The following CCBE1 variants were observed in gnomAD, a reference collection of about 807,000 sequenced individuals.
CCBE1 encodes collagen and calcium-binding EGF domain-containing protein 1.
In CCBE1, 37 loss-of-function variants were observed where a neutral mutation model predicts 50.0. The observed-to-expected ratio is 0.74, with a 90% CI of 0.57 to 0.97. The LOEUF is 0.97. Among genes scored for constraint, CCBE1 ranks in the 50% least tolerant of loss-of-function variants. The pLI is 0.00. For synonymous variants in CCBE1, 234 were observed against 203.7 expected, an observed-to-expected ratio of 1.15 and a Z score of -1.27; for missense variants, 538 against 523.8, an observed-to-expected ratio of 1.03 and a Z score of -0.26.
intron 4 of CCBE1, among the ~76,000 whole-genome samples, chr18:59,467,537 A>G (rs1244332170): frequency 6.6e-6 from 1 of 152,202 alleles, no homozygotes; most frequent in Non-Finnish European, 1.5e-5. Context: ...TGAGCTGTGG[A>G]AATGAGCCAT....
intron 2 of CCBE1, among the ~76,000 whole-genome samples, chr18:59,503,693 T>C (rs935739550): frequency 1.3e-5 from 2 of 152,214 alleles, no homozygotes; most frequent in Non-Finnish European, 2.9e-5. Flanking sequence ...ATTTAAAATA[T>C]ATATGTATTT....
intron 2 of CCBE1, among the ~76,000 whole-genome samples, chr18:59,644,442 T>A (rs1822045797): frequency 6.6e-6 from 1 of 152,178 alleles, no homozygotes; most frequent in Non-Finnish European, 1.5e-5. Flanking sequence ...TTACAAAGCA[T>A]CCTTCCCAGA....
At position 59,433,316 on chromosome 18, in the gene CCBE1, C is replaced by T. The variant is rs559638765; in HGVS notation, c.*2592G>A. 6.6e-6 allele frequency: 1 copy of T among 151,792 alleles called. No individual in the cohort carries two copies. Among genetic ancestry groups the T allele is most frequent in the Admixed American group, 6.6e-5 (1 of 15,250 alleles). The allele number at this position is 151,792 out of a possible 1,614,324, so 9.4% of individuals were successfully genotyped here. On this transcript the variant is annotated 3_prime_UTR_variant, in exon 11 of 11. Transcript: ENST00000439986. ...GGTCTTGCTATGTTGCCCAGACTGG[C>T]CTTGAACTCCTGGGCTCAAGGGATC... is the stretch of plus-strand genomic sequence containing the variant.
At position 59,560,058 on chromosome 18, in the gene CCBE1, C is replaced by G. The variant is rs568750901; in HGVS notation, c.213-79820G>C. The stretch of plus-strand genomic sequence containing the variant: ...TGATATTATGCTAACCTCTGATTCT[C>G]TTGCAGGTTTAGAAGCAGCAGTGCC... On this transcript the variant is annotated intron_variant, in intron 2 of 10. Coordinates refer to ENST00000439986, the MANE Select transcript of CCBE1 (RefSeq NM_133459.4). Among the ~76,000 whole-genome samples, 191 of 152,322 alleles carry G rather than the reference C, an allele frequency of 1.3e-3. 1 individual carries two copies. Among genetic ancestry groups the G allele is most frequent in the African/African-American group, 4.3e-3 (178 of 41,574 alleles).
intron 2 of CCBE1, among the ~76,000 whole-genome samples, chr18:59,655,630 C>T (rs971887735): frequency 3.3e-5 from 5 of 152,148 alleles, no homozygotes; most frequent in Non-Finnish European, 7.3e-5. Context: ...TGGCTATGTT[C>T]CAATAAAACT....
chr18:59,660,259 A>G (rs2054264653), intron 2 of CCBE1, among the ~76,000 whole-genome samples: 1 of 151,926 alleles, frequency 6.6e-6, no homozygotes. Context: ...CCTTTTCACA[A>G]ACACAGAAAA....
chr18:59,576,585 T>C (rs1293365849), intron 2 of CCBE1, among the ~76,000 whole-genome samples: 1 of 152,230 alleles, frequency 6.6e-6, no homozygotes, highest in Non-Finnish European at 1.5e-5. Flanking sequence ...TCTGCCCTTA[T>C]TTTGATTGTG....
chr18:59,600,392 TA>T (rs2053413405), intron 2 of CCBE1, among the ~76,000 whole-genome samples: 1 of 151,948 alleles, frequency 6.6e-6, no homozygotes, highest in Non-Finnish European at 1.5e-5. Context: ...GATTCTACAT[TA>T]TGGTGAGTTG....
chr18:59,439,644 A>C lies in CCBE1; in HGVS notation c.915+33T>G, dbSNP rs186790427. The C allele has an allele frequency of 8.0e-3, 12,851 of 1,614,184 alleles. 76 individuals are homozygous for C. Among genetic ancestry groups the C allele is most frequent in the Non-Finnish European group, 9.9e-3 (11,734 of 1,180,014 alleles). ...ATGGGACAAAAACACATTTTCCCCC[A>C]AAAAGGAAGTGGATCTCTGATAAGA... On this transcript the variant is annotated intron_variant, in intron 8 of 10. Transcript: ENST00000439986.
rs199642009 is a variant in CCBE1, at chr18:59,531,358, T to C, written c.213-51120A>G. 5.9e-5 allele frequency among the ~76,000 whole-genome samples: 9 copies of C among 152,250 alleles called. No homozygotes were observed. In the East Asian group the frequency reaches 1.4e-3, roughly 23 times the overall value. ...CTTTCAACCACATGTGATCTTTTTTTCCTCTTCTCCAACAGTCTTATGGGC... is the reference window on the plus strand; with the variant it reads ...CTTTCAACCACATGTGATCTTTTTTCCCTCTTCTCCAACAGTCTTATGGGC... On this transcript the variant is annotated intron_variant, in intron 2 of 10. Transcript: ENST00000439986.
intron 2 of CCBE1, among the ~76,000 whole-genome samples, chr18:59,625,988 T>A (rs1314835073): frequency 6.6e-6 from 1 of 152,218 alleles, no homozygotes; most frequent in Non-Finnish European, 1.5e-5. Flanking sequence ...TTTTACTATA[T>A]TTTTAAATTA....
intron 3 of CCBE1, among the ~76,000 whole-genome samples, chr18:59,475,999 TG>T (rs1205161383): frequency 2.0e-5 from 3 of 152,246 alleles, no homozygotes; most frequent in African/African-American, 7.2e-5. Context: ...ATTACAGGCG[TG>T]AGCCACTGCG....
chr18:59,478,937 C>T (rs952316583), intron 3 of CCBE1, among the ~76,000 whole-genome samples: 9 of 152,158 alleles, frequency 5.9e-5, no homozygotes, highest in Admixed American at 2.6e-4. Context: ...ACACGTGGAG[C>T]GATTCCCAGC....
intron 2 of CCBE1, among the ~76,000 whole-genome samples, chr18:59,657,421 T>C (rs1599108067): frequency 6.6e-6 from 1 of 152,356 alleles, no homozygotes; most frequent in East Asian, 1.9e-4. Context: ...TCCATTTGTA[T>C]CCAACCCTGA....
chr18:59,545,172 ACT>A (rs891938517), intron 2 of CCBE1, among the ~76,000 whole-genome samples: 4 of 152,016 alleles, frequency 2.6e-5, no homozygotes, highest in African/African-American at 9.7e-5. Context: ...ACCTTCCTGG[ACT>A]CTCTTATACG....
At chr18:59,540,039 T>C (rs543373133) in intron 2 of CCBE1, among the ~76,000 whole-genome samples, 47 of 152,272 alleles carry the variant, frequency 3.1e-4, no homozygotes, top group Admixed American at 2.0e-3. Context: ...GATCAGTGTA[T>C]AATCTTGGAC....
intron 2 of CCBE1, among the ~76,000 whole-genome samples, chr18:59,637,831 G>A (rs778243669): frequency 1.2e-4 from 19 of 152,156 alleles, no homozygotes; most frequent in Non-Finnish European, 2.4e-4. Context: ...ATTCATTAAA[G>A]TGAATTCAAT....
chr18:59,593,222 A>G lies in CCBE1; in HGVS notation c.212+103407T>C, dbSNP rs2053300157. ...TGTGTTTTTAATAAATACCTTTTTG[A>G]AAAAAGACTAAATGCCTGGCCATTC... On this transcript the variant is annotated intron_variant, in intron 2 of 10. Transcript: ENST00000439986. Among the ~76,000 whole-genome samples the G allele has an allele frequency of 1.3e-5, 2 of 152,150 alleles. 1 individual carries two copies. Among genetic ancestry groups the G allele is most frequent in the South Asian group, 4.1e-4 (2 of 4,830 alleles).
At position 59,600,373 on chromosome 18, in the gene CCBE1, G is replaced by C. The variant is rs79812380; in HGVS notation, c.212+96256C>G. On this transcript the variant is annotated intron_variant, in intron 2 of 10. Transcript: ENST00000439986. Reference sequence around the variant, plus strand: ...CTAGTTGCAGGAAAACAAGCTCAGGGCTTCCAATGATTCTACATTATGGTG... The same window carrying C: ...CTAGTTGCAGGAAAACAAGCTCAGGCCTTCCAATGATTCTACATTATGGTG... 6.6e-3 allele frequency among the ~76,000 whole-genome samples: 1,004 copies of C among 151,968 alleles called. 14 individuals carry two copies. Among genetic ancestry groups the C allele is most frequent in the African/African-American group, 0.023 (957 of 41,428 alleles).
Sources: gnomAD v4.1 joint callset for allele counts (sites outside exome capture counted in the v4.1 genomes callset) on GRCh38, gnomAD v4.1.1 for gene constraint, MANE v1.5 for transcripts, NCBI Gene and HGNC (gene_info 2026-07-23, HGNC 2026-07-21) for gene names.